WDR70: variants seen among roughly 807,000 people sequenced by gnomAD.
The protein encoded by WDR70 is WD repeat domain 70, also known as WD repeat-containing protein 70.
WDR70 carries 53 observed loss-of-function variants against 88.6 expected under a neutral mutation model. The observed-to-expected ratio is 0.60, with a 90% CI of 0.48 to 0.75. The LOEUF is 0.75. Ranked by LOEUF, WDR70 falls within the 30% of genes least tolerant of loss-of-function variation. WDR70 has a pLI of 0.00. For synonymous variants in WDR70, 280 were observed against 270.0 expected (o/e 1.04, Z -0.36); for missense variants, 610 against 823.2 (o/e 0.74, Z 3.17).
intron 7 of WDR70, among the ~76,000 whole-genome samples, chr5:37,447,642 A>G (rs985495521): frequency 6.6e-6 from 1 of 152,246 alleles, no homozygotes; most frequent in African/African-American, 2.4e-5. Context: ...TTGTAGGGAC[A>G]TGGATGAAGC....
chr5:37,457,884 G>T (rs1738894131), intron 7 of WDR70, among the ~76,000 whole-genome samples: 1 of 151,720 alleles, frequency 6.6e-6, no homozygotes, highest in Non-Finnish European at 1.5e-5. Flanking sequence ...CGGTGAGAGA[G>T]GGCATCCCTG....
At chr5:37,742,885 T>C (rs1304396412) in intron 17 of WDR70, among the ~76,000 whole-genome samples, 1 of 152,216 alleles carries the variant, frequency 6.6e-6, no homozygotes. Flanking sequence ...TAAACAAGCA[T>C]TGGGAAAATT....
In WDR70 at chr5:37,488,561, T is replaced by A. The variant is rs1042862567; in HGVS notation, c.840+8574T>A. Among the ~76,000 whole-genome samples the A allele has an allele frequency of 7.3e-5, 11 of 150,022 alleles. 1 individual carries two copies. Among genetic ancestry groups the A allele is most frequent in the Non-Finnish European group, 5.9e-5 (4 of 67,642 alleles). ...AAAGACCTGTCTTCAAGTTCTGAAA[T>A]TCTTTCTTGTGCTTGATCTAGTCTC... On this transcript the variant is annotated intron_variant, in intron 8 of 17. Coordinates refer to ENST00000265107, the MANE Select transcript of WDR70 (RefSeq NM_018034.4).
intron 10 of WDR70, among the ~76,000 whole-genome samples, chr5:37,611,011 AATAAAG>A (rs1370605030): frequency 1.3e-5 from 2 of 152,204 alleles, no homozygotes; most frequent in African/African-American, 4.8e-5. Flanking sequence ...AGTAAAGCAG[AATAAAG>A]ATAATGTTTT....
chr5:37,383,047 G>A (rs1469143352), intron 3 of WDR70, among the ~76,000 whole-genome samples: 3 of 151,038 alleles, frequency 2.0e-5, no homozygotes, highest in Non-Finnish European at 4.4e-5. Context: ...TAAAATGGGC[G>A]ACAAGAGCAA....
intron 9 of WDR70, among the ~76,000 whole-genome samples, chr5:37,547,309 A>G (rs1208651440): frequency 2.0e-5 from 3 of 152,212 alleles, no homozygotes; most frequent in Non-Finnish European, 4.4e-5. Context: ...TGAAGTTCAT[A>G]AAGTTAAAAT....
At chr5:37,593,174 T>C (rs1581420261) in intron 9 of WDR70, among the ~76,000 whole-genome samples, 1 of 152,128 alleles carries the variant, frequency 6.6e-6, no homozygotes, top group South Asian at 2.1e-4. Flanking sequence ...TTTTTTAAAA[T>C]ACTTTTAAGT....
At chr5:37,440,506 G>A (rs1027196926) in intron 6 of WDR70, among the ~76,000 whole-genome samples, 10 of 152,062 alleles carry the variant, frequency 6.6e-5, no homozygotes, top group Non-Finnish European at 1.3e-4. Flanking sequence ...CCACAACACC[G>A]GGTAATTTTT....
chr5:37,689,349 C>T (rs1244968023), intron 10 of WDR70, among the ~76,000 whole-genome samples: 3 of 152,190 alleles, frequency 2.0e-5, no homozygotes, highest in African/African-American at 4.8e-5. Flanking sequence ...CCCAGCATGG[C>T]GTTTGAGCTC....
At chr5:37,524,090 G>C (rs1741182364) in intron 9 of WDR70, among the ~76,000 whole-genome samples, 1 of 152,178 alleles carries the variant, frequency 6.6e-6, no homozygotes, top group Non-Finnish European at 1.5e-5. Flanking sequence ...CCCCAACCTA[G>C]CAAGGCAGGC....
intron 8 of WDR70, among the ~76,000 whole-genome samples, chr5:37,483,777 C>A (rs1366110387): frequency 2.0e-5 from 3 of 149,378 alleles, no homozygotes; most frequent in Non-Finnish European, 4.5e-5. Flanking sequence ...CGGGGGCTGA[C>A]CCCCCACCTC....
chr5:37,412,409 A>G (rs1249652643), intron 5 of WDR70, among the ~76,000 whole-genome samples: 1 of 152,058 alleles, frequency 6.6e-6, no homozygotes, highest in Non-Finnish European at 1.5e-5. Context: ...AAACAAAACA[A>G]AACATCTTTT....
At chr5:37,425,548 T>A (rs1750098936) in intron 5 of WDR70, among the ~76,000 whole-genome samples, 1 of 151,922 alleles carries the variant, frequency 6.6e-6, no homozygotes, top group Non-Finnish European at 1.5e-5. Context: ...AGCTCTTAGG[T>A]GAGTATGGCT....
At chr5:37,566,395 C>T (rs1036211790) in intron 9 of WDR70, among the ~76,000 whole-genome samples, 20 of 152,024 alleles carry the variant, frequency 1.3e-4, no homozygotes, top group African/African-American at 4.8e-4. Flanking sequence ...GTTGAATCTA[C>T]CTCTTGTTTT....
At chr5:37,462,342 G>T (rs546369926) in intron 7 of WDR70, among the ~76,000 whole-genome samples, 3 of 151,656 alleles carry the variant, frequency 2.0e-5, no homozygotes, top group Non-Finnish European at 2.9e-5. Flanking sequence ...TCGCTCATTC[G>T]CCCAGGCTGT....
intron 7 of WDR70, among the ~76,000 whole-genome samples, chr5:37,468,191 C>T (rs1354553317): frequency 6.6e-6 from 1 of 152,174 alleles, no homozygotes; most frequent in African/African-American, 2.4e-5. Context: ...CAGTCTGTAG[C>T]AGATGGTAAT....
intron 10 of WDR70, among the ~76,000 whole-genome samples, chr5:37,642,218 T>C (rs1745123268): frequency 6.6e-6 from 1 of 152,170 alleles, no homozygotes; most frequent in Non-Finnish European, 1.5e-5. Context: ...CATAATACCC[T>C]GTCTGCTCTT....
chr5:37,572,370 C>T (rs1480056340), intron 9 of WDR70, among the ~76,000 whole-genome samples: 6 of 151,900 alleles, frequency 3.9e-5, no homozygotes, highest in African/African-American at 1.5e-4. Context: ...TGGTGTACTT[C>T]TGCTGACTAT....
intron 13 of WDR70, among the ~76,000 whole-genome samples, chr5:37,705,306 A>G (rs1747290558): frequency 6.6e-6 from 1 of 152,196 alleles, no homozygotes; most frequent in Non-Finnish European, 1.5e-5. Flanking sequence ...AAGAAATGTC[A>G]TCATTTAAGA....
Sources: allele counts gnomAD v4.1 joint callset (sites outside exome capture counted in the v4.1 genomes callset), GRCh38; gene constraint gnomAD v4.1.1; transcripts MANE v1.5; gene names NCBI Gene and HGNC (gene_info 2026-07-23, HGNC 2026-07-21).